Variants in CNTNAP2 observed in about 807,000 individuals in gnomAD.
CNTNAP2 encodes the protein contactin-associated protein-like 2.
A neutral mutation model predicts 155.2 loss-of-function variants in CNTNAP2; 98 were observed. That is an observed-to-expected ratio of 0.63 (90% CI 0.54 to 0.75). The LOEUF is 0.75. Ranked by LOEUF, CNTNAP2 falls within the 30% of genes least tolerant of loss-of-function variation. The pLI is 0.00. For missense variants in CNTNAP2, 1,727 were observed against 1,688.1 expected (o/e 1.02, Z -0.40); for synonymous variants, 651 against 631.2 (o/e 1.03, Z -0.47).
At chr7:148,328,976 G>GAAAAA (rs71188969) in intron 21 of CNTNAP2, among the ~76,000 whole-genome samples, 1,594 of 68,844 alleles carry the variant, frequency 0.023, 70 homozygotes, top group East Asian at 0.038. Flanking sequence ...ACTCTGTCTG[G>GAAAAA]AAAAAAAAAA....
rs1057203713 is a variant in CNTNAP2 at position 146,925,745 on chromosome 7, C to G, written c.402+85841C>G. ...ATTCCAGATCCTGTTCTTTTTGATGCTCTGACAACACCTTGAATGTTTACT... is the reference window on the plus strand; with the variant it reads ...ATTCCAGATCCTGTTCTTTTTGATGGTCTGACAACACCTTGAATGTTTACT... On this transcript the variant is annotated intron_variant, in intron 3 of 23. Coordinates refer to ENST00000361727, the MANE Select transcript of CNTNAP2 (RefSeq NM_014141.6). Among the ~76,000 whole-genome samples, 5 of 152,112 alleles carry G rather than the reference C, an allele frequency of 3.3e-5. No homozygotes were observed. The South Asian group carries it at 8.3e-4, about 25-fold the overall frequency.
chr7:147,579,824 T>C (rs1251338699), intron 12 of CNTNAP2, among the ~76,000 whole-genome samples: 1 of 152,150 alleles, frequency 6.6e-6, no homozygotes, highest in African/African-American at 2.4e-5. Context: ...TGAAATGATA[T>C]TTCACAAACC....
At chr7:147,415,579 T>C (rs2116497379) in intron 10 of CNTNAP2, among the ~76,000 whole-genome samples, 1 of 152,330 alleles carries the variant, frequency 6.6e-6, no homozygotes, top group East Asian at 1.9e-4. Flanking sequence ...TTGTGTTTCC[T>C]GAGGTCTCCC....
chr7:147,614,823 C>A (rs1056244249), intron 12 of CNTNAP2, among the ~76,000 whole-genome samples: 1 of 151,726 alleles, frequency 6.6e-6, no homozygotes. Flanking sequence ...CTATATAGCT[C>A]ATTTTATTGA....
intron 13 of CNTNAP2, among the ~76,000 whole-genome samples, chr7:147,697,048 G>T (rs377321527): frequency 6.6e-6 from 1 of 152,114 alleles, no homozygotes; most frequent in Non-Finnish European, 1.5e-5. Flanking sequence ...TTTGATGTCT[G>T]CAATAGTGAC....
chr7:147,608,114 T>C lies in CNTNAP2; in HGVS notation c.1898-30992T>C, dbSNP rs186785765. Among the ~76,000 whole-genome samples the C allele has an allele frequency of 1.4e-3, 205 of 151,642 alleles. 1 individual carries two copies. Among genetic ancestry groups the C allele is most frequent in the African/African-American group, 4.8e-3 (197 of 41,328 alleles). The stretch of plus-strand genomic sequence containing the variant: ...GCTTGGAATAAAGCACATTGTTCAA[T>C]AAATGGAAGCTCCCATGCTCACGAC... On this transcript the variant is annotated intron_variant, in intron 12 of 23. Coordinates refer to ENST00000361727, the MANE Select transcript of CNTNAP2 (RefSeq NM_014141.6).
At chr7:146,489,564 C>G (rs1028658470) in intron 1 of CNTNAP2, among the ~76,000 whole-genome samples, 8 of 152,168 alleles carry the variant, frequency 5.3e-5, no homozygotes, top group African/African-American at 1.9e-4. Flanking sequence ...GTGACACACA[C>G]ACCCCCACCT....
chr7:148,140,701 C>T (rs938120448), intron 16 of CNTNAP2, among the ~76,000 whole-genome samples: 13 of 152,176 alleles, frequency 8.5e-5, no homozygotes, highest in African/African-American at 2.9e-4. Flanking sequence ...GGATTACAGG[C>T]ATGAGCCACC....
intron 8 of CNTNAP2, among the ~76,000 whole-genome samples, chr7:147,214,816 A>T (rs1403000965): frequency 1.3e-5 from 2 of 152,110 alleles, no homozygotes; most frequent in Non-Finnish European, 2.9e-5. Flanking sequence ...ATGAAGAACT[A>T]CTTGAGACTG....
At chr7:146,896,132 A>G (rs946461112) in intron 3 of CNTNAP2, among the ~76,000 whole-genome samples, 89 of 152,270 alleles carry the variant, frequency 5.8e-4, no homozygotes, top group African/African-American at 2.0e-3. Flanking sequence ...AATAAGCTTC[A>G]GAGTGGTGGG....
chr7:148,367,241 A>G (rs1019093033), intron 21 of CNTNAP2, among the ~76,000 whole-genome samples: 2 of 136,940 alleles, frequency 1.5e-5, no homozygotes, highest in African/African-American at 5.7e-5. Flanking sequence ...AAAAAAAAAT[A>G]AAAGAAAAGA....
At chr7:146,772,872 C>G (rs535438641) in intron 1 of CNTNAP2, among the ~76,000 whole-genome samples, 78 of 152,126 alleles carry the variant, frequency 5.1e-4, no homozygotes, top group Non-Finnish European at 1.0e-3. Context: ...ACAGCAGCCA[C>G]AAGTTCACTT....
At chr7:147,748,443 GTAC>G (rs1438377223) in intron 13 of CNTNAP2, among the ~76,000 whole-genome samples, 2 of 152,054 alleles carry the variant, frequency 1.3e-5, no homozygotes, top group African/African-American at 4.8e-5. Context: ...CCCTTTATTG[GTAC>G]ACTTAATGAT....
intron 13 of CNTNAP2, among the ~76,000 whole-genome samples, chr7:147,795,496 C>T (rs1009897866): frequency 6.6e-6 from 1 of 151,584 alleles, no homozygotes; most frequent in African/African-American, 2.4e-5. Context: ...TATTTGTCAG[C>T]TTTCGTTGGT....
chr7:146,579,623 T>C (rs1798579784), intron 1 of CNTNAP2, among the ~76,000 whole-genome samples: 1 of 152,140 alleles, frequency 6.6e-6, no homozygotes, highest in African/African-American at 2.4e-5. Flanking sequence ...GACTCACTCA[T>C]TGAAAGATAT....
At chr7:146,144,948 G>A (rs536694547) in intron 1 of CNTNAP2, among the ~76,000 whole-genome samples, 1 of 152,290 alleles carries the variant, frequency 6.6e-6, no homozygotes, top group African/African-American at 2.4e-5. Flanking sequence ...AGTCCCAGAT[G>A]ACTTTTCAAA....
chr7:147,435,673 A>T (rs1166380942), intron 10 of CNTNAP2, among the ~76,000 whole-genome samples: 2 of 152,212 alleles, frequency 1.3e-5, no homozygotes, highest in African/African-American at 2.4e-5. Flanking sequence ...GTTGTGAAAC[A>T]GTTAAACACG....
chr7:146,152,560 T>A (rs1407812418), intron 1 of CNTNAP2, among the ~76,000 whole-genome samples: 1 of 152,140 alleles, frequency 6.6e-6, no homozygotes, highest in Non-Finnish European at 1.5e-5. Context: ...GTTATCCATA[T>A]GTTACCCAGC....
At chr7:147,382,368 T>C in intron 9 of CNTNAP2, among the ~76,000 whole-genome samples, 1 of 152,252 alleles carries the variant, frequency 6.6e-6, no homozygotes, top group Non-Finnish European at 1.5e-5. Context: ...AAGAGGGCTA[T>C]TCAACAGGTA....
Sources: allele counts gnomAD v4.1 joint callset (sites outside exome capture counted in the v4.1 genomes callset), GRCh38; gene constraint gnomAD v4.1.1; transcripts MANE v1.5; gene names NCBI Gene and HGNC (gene_info 2026-07-23, HGNC 2026-07-21).